R3HDM2: variants seen among roughly 807,000 people sequenced by gnomAD.
R3HDM2 encodes the protein R3H domain-containing protein 2.
Under a neutral mutation model 124.5 loss-of-function variants are expected in R3HDM2, and 38 were observed. That is an observed-to-expected ratio of 0.31 (90% CI 0.24 to 0.40). The LOEUF is 0.40. Ranked by LOEUF, R3HDM2 falls within the 10% of genes least tolerant of loss-of-function variation. The pLI is 1.00. For missense variants in R3HDM2, 869 were observed against 1,236.9 expected (o/e 0.70, Z 4.46); for synonymous variants, 391 against 448.0 (o/e 0.87, Z 1.61).
chr12:57,309,204 T>C (rs553681540), intron 3 of R3HDM2, among the ~76,000 whole-genome samples: 2 of 152,362 alleles, frequency 1.3e-5, no homozygotes, highest in South Asian at 4.1e-4. Flanking sequence ...CCAGACCCTC[T>C]AAAATGTTGT....
chr12:57,310,158 C>T (rs2053607355), intron 3 of R3HDM2, 106 bp downstream of exon 3: 2 of 751,146 alleles, frequency 2.7e-6, no homozygotes, highest in African/African-American at 3.7e-5. Context: ...TGCAGTGGGC[C>T]CTAATTGTGC....
At chr12:57,358,921 TTTTC>T (rs1213412334) in intron 2 of R3HDM2, among the ~76,000 whole-genome samples, 2 of 143,978 alleles carry the variant, frequency 1.4e-5, no homozygotes, top group African/African-American at 4.9e-5. Flanking sequence ...GGCTAAATTT[TTTTC>T]TTTTTTTTTT....
intron 2 of R3HDM2, among the ~76,000 whole-genome samples, chr12:57,394,067 G>C (rs895265656): frequency 6.6e-6 from 1 of 152,090 alleles, no homozygotes; most frequent in Non-Finnish European, 1.5e-5. Context: ...TTGGGAGGCC[G>C]AGGTGGGCTC....
intron 2 of R3HDM2, among the ~76,000 whole-genome samples, chr12:57,334,523 A>G (rs1476876423): frequency 6.6e-6 from 1 of 152,082 alleles, no homozygotes; most frequent in Non-Finnish European, 1.5e-5. Flanking sequence ...ACTGCTGCAA[A>G]AACTGTCAGA....
chr12:57,392,881 C>T (rs1462989793), intron 2 of R3HDM2, among the ~76,000 whole-genome samples: 6 of 147,782 alleles, frequency 4.1e-5, no homozygotes, highest in African/African-American at 1.0e-4. Context: ...TTTGGCTCAC[C>T]GCAAGCTCCA....
chr12:57,334,958 T>C (rs2058666623), intron 2 of R3HDM2, among the ~76,000 whole-genome samples: 1 of 144,528 alleles, frequency 6.9e-6, no homozygotes, highest in Non-Finnish European at 1.5e-5. Flanking sequence ...GGCAACATAG[T>C]GAGACCCCAC....
intron 2 of R3HDM2, among the ~76,000 whole-genome samples, chr12:57,386,247 G>A (rs991873030): frequency 1.3e-5 from 2 of 152,212 alleles, no homozygotes; most frequent in East Asian, 3.9e-4. Context: ...GCTGCACTGT[G>A]GGAGCTCCTT....
intron 2 of R3HDM2, among the ~76,000 whole-genome samples, chr12:57,311,650 G>C (rs1396777814): frequency 6.6e-6 from 1 of 152,102 alleles, no homozygotes; most frequent in Non-Finnish European, 1.5e-5. Context: ...TGGGATTAGA[G>C]GTGTGAGCCA....
At position 57,253,775 on chromosome 12, in the gene R3HDM2, AT is replaced by A. The variant is rs879376080; in HGVS notation, c.*997del. The A allele has an allele frequency of 0.013, 2,267 of 178,958 alleles. 1 individual carries two copies. The highest frequency in any genetic ancestry group is 0.034 in the Middle Eastern group (14 of 416). The allele number at this position is 178,958 out of a possible 1,614,324, so 11.1% of individuals were successfully genotyped here. ...AACAGTGACTGATGTCCAGTGACAG[AT>A]TTTTTTTTTTATATTTAAAAACAAA... On this transcript the variant is annotated 3_prime_UTR_variant, in exon 24 of 24. Transcript: ENST00000402412.
Position 57,253,956 on chromosome 12 carries a change from G to A in R3HDM2, c.*817C>T, listed in dbSNP as rs1440932932. 1.2e-5 allele frequency: 4 copies of A among 343,520 alleles called. No homozygotes were observed. 21.3% of individuals were successfully genotyped at this position (343,520 alleles called of 1,614,324 possible). A position where few individuals can be genotyped will look rare whatever the true frequency, so the allele number is the denominator to read the frequency against. ...AACAAACAATATACAAGTGTTCTGGGGGGGCCAGGGGAATCCCAAGTTTTA... is the reference window on the plus strand; with the variant it reads ...AACAAACAATATACAAGTGTTCTGGAGGGGCCAGGGGAATCCCAAGTTTTA... On this transcript the variant is annotated 3_prime_UTR_variant, in exon 24 of 24. Coordinates refer to ENST00000402412, the MANE Select transcript of R3HDM2 (RefSeq NM_001394031.1).
chr12:57,352,310 T>C (rs567035122), intron 2 of R3HDM2, among the ~76,000 whole-genome samples: 5 of 151,058 alleles, frequency 3.3e-5, no homozygotes, highest in African/African-American at 1.2e-4. Flanking sequence ...TGAAATGTTA[T>C]TGAAGGGTAT....
intron 6 of R3HDM2, 117 bp from the exon 7 acceptor site, chr12:57,298,285 A>C: frequency 2.6e-6 from 2 of 770,118 alleles, no homozygotes. Flanking sequence ...AGCAAAATCA[A>C]ACTTCCAGGG....
intron 15 of R3HDM2, 104 bp downstream of exon 15, chr12:57,269,648 G>C: frequency 6.6e-7 from 1 of 1,517,696 alleles, no homozygotes; most frequent in Non-Finnish European, 9.0e-7. Flanking sequence ...GTGCAAGGTA[G>C]GGAGAGGTAT....
chr12:57,373,706 G>A (rs1447577065), intron 2 of R3HDM2, among the ~76,000 whole-genome samples: 2 of 151,880 alleles, frequency 1.3e-5, no homozygotes, highest in African/African-American at 2.4e-5. Flanking sequence ...CCAGCTACTT[G>A]GAAGGCTAAG....
intron 10 of R3HDM2, among the ~76,000 whole-genome samples, chr12:57,293,425 C>T (rs1405915020): frequency 1.3e-5 from 2 of 151,962 alleles, no homozygotes; most frequent in African/African-American, 4.8e-5. Flanking sequence ...GAGAGATAGA[C>T]AAGGAAAATA....
intron 1 of R3HDM2, among the ~76,000 whole-genome samples, chr12:57,405,083 A>G (rs1478570654): frequency 6.6e-6 from 1 of 151,936 alleles, no homozygotes; most frequent in African/African-American, 2.4e-5. Flanking sequence ...GCTAGAGTAC[A>G]GTGACATGAT....
At chr12:57,259,331 A>C (rs1467263003) in intron 19 of R3HDM2, among the ~76,000 whole-genome samples, 1 of 152,224 alleles carries the variant, frequency 6.6e-6, no homozygotes, top group Admixed American at 6.5e-5. Flanking sequence ...GCTTGGCAGA[A>C]AACTACTCCA....
chr12:57,386,597 C>T (rs1411131148), intron 2 of R3HDM2, among the ~76,000 whole-genome samples: 2 of 152,194 alleles, frequency 1.3e-5, no homozygotes, highest in Admixed American at 6.5e-5. Context: ...TGACGAGCGC[C>T]GCCCCCTGCT....
intron 1 of R3HDM2, among the ~76,000 whole-genome samples, chr12:57,421,716 C>T (rs1342257941): frequency 6.6e-6 from 1 of 150,808 alleles, no homozygotes; most frequent in African/African-American, 2.4e-5. Context: ...ACTAAGTTGC[C>T]CCAGGCTAGT....
Sources: allele counts gnomAD v4.1 joint callset (sites outside exome capture counted in the v4.1 genomes callset), GRCh38; gene constraint gnomAD v4.1.1; transcripts MANE v1.5; gene names NCBI Gene and HGNC (gene_info 2026-07-23, HGNC 2026-07-21).